The following DPYD variants were observed in gnomAD, a reference collection of about 807,000 sequenced individuals.
DPYD encodes dihydropyrimidine dehydrogenase [NADP(+)].
A neutral mutation model predicts 116.2 loss-of-function variants in DPYD; 109 were observed. The observed-to-expected ratio is 0.94, with a 90% CI of 0.80 to 1.10. The LOEUF (loss-of-function observed/expected upper bound fraction) is 1.10, where lower values mean the gene tolerates loss of function less well. Among genes scored for constraint, DPYD ranks in the 50% least tolerant of loss-of-function variants. The pLI is 0.00. For missense variants in DPYD, 1,302 were observed against 1,254.5 expected, an observed-to-expected ratio of 1.04 and a Z score of -0.57; for synonymous variants, 440 against 432.0, an observed-to-expected ratio of 1.02 and a Z score of -0.23.
chr1:97,308,372 T>C (rs1310358049), intron 16 of DPYD: 1 of 151,730 alleles, frequency 6.6e-6, no homozygotes, highest in East Asian at 2.0e-4. Context: ...CATATATTTT[T>C]CTCATCTTCA....
chr1:97,748,696 G>A (rs935894465), intron 3 of DPYD, among the ~76,000 whole-genome samples: 4 of 152,116 alleles, frequency 2.6e-5, no homozygotes, highest in Non-Finnish European at 2.9e-5. Context: ...GTGCTCATAC[G>A]CGTTTAAGAA....
chr1:97,400,186 T>C (rs533654834), intron 14 of DPYD, among the ~76,000 whole-genome samples: 85 of 152,332 alleles, frequency 5.6e-4, no homozygotes, highest in Admixed American at 1.6e-3. Flanking sequence ...CAAAGGCCTT[T>C]TCTGCATCTA....
chr1:97,870,685 G>A (rs555638182), intron 2 of DPYD, among the ~76,000 whole-genome samples: 2 of 151,838 alleles, frequency 1.3e-5, no homozygotes, highest in East Asian at 3.9e-4. Flanking sequence ...GGAAATCACA[G>A]CACTTTATTT....
chr1:97,513,099 A>C (rs1393619285), intron 13 of DPYD, among the ~76,000 whole-genome samples: 1 of 151,778 alleles, frequency 6.6e-6, no homozygotes, highest in African/African-American at 2.4e-5. Flanking sequence ...ATCAACTGGC[A>C]TTTCACTGTA....
At chr1:97,879,894 GGAA>G (rs559496270) in intron 2 of DPYD, among the ~76,000 whole-genome samples, 5 of 151,682 alleles carry the variant, frequency 3.3e-5, no homozygotes, top group Non-Finnish European at 5.9e-5. Context: ...ATAGAAAAAA[GGAA>G]GAAGAAGGCA....
chr1:97,171,365 G>A (rs1656714317), intron 20 of DPYD, among the ~76,000 whole-genome samples: 1 of 152,160 alleles, frequency 6.6e-6, no homozygotes, highest in Admixed American at 6.6e-5. Context: ...TGGGAAAGAG[G>A]TAAAACGTTC....
intron 15 of DPYD, among the ~76,000 whole-genome samples, chr1:97,380,694 G>A (rs1671906628): frequency 2.6e-5 from 4 of 152,164 alleles, no homozygotes. Flanking sequence ...TGGTGTCTCT[G>A]ATTTCTTACA....
chr1:97,768,212 G>T (rs138596119), intron 3 of DPYD, among the ~76,000 whole-genome samples: 1 of 151,962 alleles, frequency 6.6e-6, no homozygotes, highest in South Asian at 2.1e-4. Flanking sequence ...TAAATACTTG[G>T]AGCCATATAA....
intron 14 of DPYD, among the ~76,000 whole-genome samples, chr1:97,415,073 A>C (rs1162527291): frequency 1.3e-5 from 2 of 152,188 alleles, no homozygotes; most frequent in African/African-American, 4.8e-5. Flanking sequence ...ATAAAAGAAG[A>C]AGGAGAAAAC....
intron 3 of DPYD, among the ~76,000 whole-genome samples, chr1:97,819,925 C>T (rs1668829165): frequency 6.6e-6 from 1 of 152,016 alleles, no homozygotes; most frequent in African/African-American, 2.4e-5. Flanking sequence ...CTATATAATA[C>T]ATACCACATA....
At chr1:97,586,489 T>TACAAGCCC (rs1654122036) in intron 10 of DPYD, among the ~76,000 whole-genome samples, 1 of 112,370 alleles carries the variant, frequency 8.9e-6, no homozygotes, top group Non-Finnish European at 1.8e-5. Context: ...TATATATATA[T>TACAAGCCC]ATATATATAT....
chr1:97,786,277 G>GA (rs750115329), intron 3 of DPYD, among the ~76,000 whole-genome samples: 3 of 152,092 alleles, frequency 2.0e-5, no homozygotes, highest in Non-Finnish European at 4.4e-5. Flanking sequence ...TGGTGCCCTA[G>GA]AAAATTTATA....
chr1:97,331,160 T>G (rs1331207230), intron 16 of DPYD, among the ~76,000 whole-genome samples: 1 of 152,084 alleles, frequency 6.6e-6, no homozygotes, highest in East Asian at 1.9e-4. Flanking sequence ...ACCAGCCTCA[T>G]GACTCAAATT....
chr1:97,448,668 T>A (rs940398508), intron 14 of DPYD, among the ~76,000 whole-genome samples: 1 of 151,306 alleles, frequency 6.6e-6, no homozygotes, highest in African/African-American at 2.4e-5. Context: ...CCAAAAGATG[T>A]GGGTCCTTTA....
chr1:97,691,797 T>G lies in DPYD; in HGVS notation c.682A>C (p.Thr228Pro). 6.2e-7 allele frequency: 1 copy of G among 1,613,360 alleles called. No homozygotes were observed. The highest frequency in any genetic ancestry group is 1.7e-5 in the Admixed American group (1 of 59,992). ...EKQEYVGGLS[T>P]SEIPQFRLPY... ...AGCCGGAACTGAGGAATTTCAGAAG[T>G]ACTGAAAAGAAAGGAGAAAGAAAAA... is the stretch of plus-strand genomic sequence containing the variant. The change falls in exon 7 of 23, where the codon ACT becomes CCT. Residue 228 changes from threonine (T) to proline (P), a missense_variant and splice_region_variant. Physicochemically the swap from Thr to Pro is conservative, Grantham distance 38 (BLOSUM62 -1). Coordinates refer to ENST00000370192, the MANE Select transcript of DPYD (RefSeq NM_000110.4).
chr1:97,561,193 T>C (rs1230097106), intron 11 of DPYD, among the ~76,000 whole-genome samples: 2 of 151,928 alleles, frequency 1.3e-5, no homozygotes, highest in East Asian at 3.9e-4. Context: ...GAAGTGAGAG[T>C]AGAAGCAGGA....
At chr1:97,547,062 A>T in intron 12 of DPYD, 1 of 1,065,204 alleles carries the variant, frequency 9.4e-7, no homozygotes, top group Non-Finnish European at 1.4e-6. Context: ...ACTGATGTTG[A>T]GGGAGGTGTA....
chr1:97,518,403 A>C (rs918479406), intron 12 of DPYD, among the ~76,000 whole-genome samples: 2 of 152,050 alleles, frequency 1.3e-5, no homozygotes, highest in African/African-American at 4.8e-5. Context: ...GTTCAGCTTC[A>C]TCATATATCC....
intron 13 of DPYD, among the ~76,000 whole-genome samples, chr1:97,477,170 T>C (rs1167813982): frequency 6.6e-6 from 1 of 152,216 alleles, no homozygotes; most frequent in Non-Finnish European, 1.5e-5. Flanking sequence ...GCAATGCTAT[T>C]TGGATAGCAT....
Sources: gnomAD v4.1 joint callset for allele counts (sites outside exome capture counted in the v4.1 genomes callset) on GRCh38, gnomAD v4.1.1 for gene constraint, MANE v1.5 for transcripts, NCBI Gene and HGNC (gene_info 2026-07-23, HGNC 2026-07-21) for gene names.